NALF1: variants seen among roughly 807,000 people sequenced by gnomAD.
The protein encoded by NALF1 is family with sequence similarity 155 member A.
In NALF1, 3 loss-of-function variants were observed where a neutral mutation model predicts 48.4. The observed-to-expected ratio is 0.06, with a 90% CI of 0.03 to 0.16. The LOEUF is 0.16. Among genes scored for constraint, NALF1 ranks in the 10% least tolerant of loss-of-function variants. The probability of loss-of-function intolerance (pLI) is 1.00; values close to 1 mark genes in which losing one functional copy is unlikely to be tolerated. For missense variants in NALF1, 526 were observed against 571.5 expected (o/e 0.92, Z 0.81); for synonymous variants, 262 against 245.7 (o/e 1.07, Z -0.62).
At chr13:107,630,355 C>T (rs113732552) in intron 1 of NALF1, among the ~76,000 whole-genome samples, 90 of 152,124 alleles carry the variant, frequency 5.9e-4, no homozygotes, top group African/African-American at 1.8e-3. Context: ...ACTTTAGGGC[C>T]CTTTCTGAAC....
chr13:107,218,071 G>T (rs748143917), intron 1 of NALF1, among the ~76,000 whole-genome samples: 1 of 152,008 alleles, frequency 6.6e-6, no homozygotes, highest in African/African-American at 2.4e-5. Flanking sequence ...CTCCCACCCG[G>T]CACTCTGCTC....
chr13:107,804,524 T>C (rs1475399535), intron 1 of NALF1, among the ~76,000 whole-genome samples: 2 of 151,846 alleles, frequency 1.3e-5, no homozygotes, highest in Admixed American at 1.3e-4. Flanking sequence ...GTCCCCAAGC[T>C]CCCTGAAGAC....
chr13:107,385,173 T>C (rs1419670643), intron 1 of NALF1, among the ~76,000 whole-genome samples: 4 of 152,244 alleles, frequency 2.6e-5, no homozygotes, highest in African/African-American at 9.6e-5. Flanking sequence ...TCTCATTTTA[T>C]AAAGTTCAGT....
chr13:107,364,622 C>T (rs572329973), intron 1 of NALF1, among the ~76,000 whole-genome samples: 39 of 152,256 alleles, frequency 2.6e-4, no homozygotes, highest in African/African-American at 8.2e-4. Context: ...CGACCCAATA[C>T]ACCATGTGTT....
At chr13:107,338,735 G>T (rs964784209) in intron 1 of NALF1, among the ~76,000 whole-genome samples, 1 of 152,120 alleles carries the variant, frequency 6.6e-6, no homozygotes, top group African/African-American at 2.4e-5. Flanking sequence ...ACAGTTGTGA[G>T]GTATAAAAGG....
At chr13:107,177,092 A>G (rs1485328433) in intron 2 of NALF1, among the ~76,000 whole-genome samples, 1 of 152,054 alleles carries the variant, frequency 6.6e-6, no homozygotes, top group African/African-American at 2.4e-5. Flanking sequence ...GAAAAATCTG[A>G]AAAAGAAATA....
intron 1 of NALF1, among the ~76,000 whole-genome samples, chr13:107,740,287 T>C (rs1365103008): frequency 6.6e-6 from 1 of 152,138 alleles, no homozygotes; most frequent in Non-Finnish European, 1.5e-5. Flanking sequence ...AAATGACAAA[T>C]GCAGAATGGG....
At chr13:107,788,790 A>T (rs1878148081) in intron 1 of NALF1, 1 of 152,178 alleles carries the variant, frequency 6.6e-6, no homozygotes, top group African/African-American at 2.4e-5. Flanking sequence ...TTTTTTAAAA[A>T]AAAAAAATTT....
At chr13:107,499,012 A>G (rs1183469087) in intron 1 of NALF1, among the ~76,000 whole-genome samples, 1 of 152,208 alleles carries the variant, frequency 6.6e-6, no homozygotes, top group Non-Finnish European at 1.5e-5. Context: ...TGTTCAGTAC[A>G]TATCTAACAC....
chr13:107,364,175 C>T (rs148897975), intron 1 of NALF1, among the ~76,000 whole-genome samples: 111 of 152,266 alleles, frequency 7.3e-4, no homozygotes, highest in African/African-American at 2.6e-3. Flanking sequence ...GCTTACAATG[C>T]TCAAAACATT....
At chr13:107,503,570 C>A (rs486514) in intron 1 of NALF1, among the ~76,000 whole-genome samples, 2,299 of 152,148 alleles carry the variant, frequency 0.015, 69 homozygotes, top group African/African-American at 0.053. Context: ...ACTAGGGCTA[C>A]CACATGACCC....
intron 1 of NALF1, among the ~76,000 whole-genome samples, chr13:107,538,633 T>C (rs1309914002): frequency 1.3e-5 from 2 of 152,100 alleles, no homozygotes; most frequent in African/African-American, 4.8e-5. Context: ...AATCATATGA[T>C]ATCATAGATC....
Position 107,362,322 on chromosome 13 carries a change from G to A in NALF1, c.916-151567C>T, listed in dbSNP as rs1483095439. Among the ~76,000 whole-genome samples, 1 of 152,194 alleles carries A rather than the reference G, an allele frequency of 6.6e-6. No homozygotes were observed. The highest frequency in any genetic ancestry group is 6.5e-5 in the Admixed American group (1 of 15,274). The stretch of plus-strand genomic sequence containing the variant: ...ATCAACTGAGTAGCTGAAAACAAGA[G>A]AAATGCATTGTCCAACAGTGCTGGA... On this transcript the variant is annotated intron_variant, in intron 1 of 2. Transcript: ENST00000375915. The surrounding 1 kb of genome is among the most constrained non-coding windows in gnomAD (Gnocchi z 4.6).
intron 1 of NALF1, among the ~76,000 whole-genome samples, chr13:107,777,582 G>C (rs562343144): frequency 6.6e-6 from 1 of 152,214 alleles, no homozygotes; most frequent in African/African-American, 2.4e-5. Context: ...TCCTGCATTC[G>C]TCATGTAAAG....
Position 107,294,481 on chromosome 13 carries a change from T to C in NALF1, c.916-83726A>G, listed in dbSNP as rs1429765031. Among the ~76,000 whole-genome samples, 3 of 152,232 alleles carry C rather than the reference T, an allele frequency of 2.0e-5. No individual in the cohort carries two copies. The East Asian group carries it at 5.8e-4, about 29-fold the overall frequency. On this transcript the variant is annotated intron_variant, in intron 1 of 2. Coordinates refer to ENST00000375915, the MANE Select transcript of NALF1 (RefSeq NM_001080396.3). ...TACCTAATGATAACTATAACAACAC[T>C]GCTACAAACAAGAGCTAAAGTGTAT...
intron 1 of NALF1, among the ~76,000 whole-genome samples, chr13:107,687,526 T>C (rs1426511270): frequency 7.3e-6 from 1 of 136,266 alleles, no homozygotes; most frequent in Non-Finnish European, 1.6e-5. Context: ...ACACATCACC[T>C]GGGAGCCAAA....
At chr13:107,833,058 T>A (rs965458867) in intron 1 of NALF1, among the ~76,000 whole-genome samples, 8 of 152,192 alleles carry the variant, frequency 5.3e-5, no homozygotes, top group Admixed American at 5.2e-4. Flanking sequence ...TCCACGCACA[T>A]GCCCCATCTC....
intron 1 of NALF1, among the ~76,000 whole-genome samples, chr13:107,320,649 G>C (rs72650535): frequency 0.043 from 6,500 of 152,112 alleles, 207 homozygotes; most frequent in East Asian, 0.16. Context: ...AAGAATGTTG[G>C]TTTATGGACA....
chr13:107,230,902 A>T (rs1037956346), intron 1 of NALF1, among the ~76,000 whole-genome samples: 50 of 151,956 alleles, frequency 3.3e-4, no homozygotes, highest in African/African-American at 1.2e-3. Flanking sequence ...TCCACAAAGA[A>T]TTCAAAAATT....
Sources: allele counts gnomAD v4.1 joint callset (sites outside exome capture counted in the v4.1 genomes callset), GRCh38; gene constraint gnomAD v4.1.1; non-coding constraint Gnocchi (gnomAD v3.1); transcripts MANE v1.5; gene names NCBI Gene and HGNC (gene_info 2026-07-23, HGNC 2026-07-21).